The following NALCN variants were observed in gnomAD, a reference collection of about 807,000 sequenced individuals.
The protein encoded by NALCN is sodium leak channel, non-selective.
Under a neutral mutation model 225.3 loss-of-function variants are expected in NALCN, and 111 were observed. That is an observed-to-expected ratio of 0.49 (90% CI 0.42 to 0.58). The LOEUF is 0.58. Among genes scored for constraint, NALCN ranks in the 20% least tolerant of loss-of-function variants. The pLI is 0.00. For missense variants in NALCN, 1,378 were observed against 2,202.4 expected (o/e 0.63, Z 7.49); for synonymous variants, 764 against 769.0 (o/e 0.99, Z 0.11).
intron 20 of NALCN, 22 bp from the exon 21 acceptor site, chr13:101,107,811 G>T: frequency 1.3e-6 from 2 of 1,598,626 alleles, no homozygotes; most frequent in Non-Finnish European, 1.7e-6. Flanking sequence ...TTAACAGGGG[G>T]TGTGTTAAAA....
At chr13:101,063,956 A>G (rs1371369230) in intron 40 of NALCN, among the ~76,000 whole-genome samples, 1 of 152,218 alleles carries the variant, frequency 6.6e-6, no homozygotes, top group Non-Finnish European at 1.5e-5. Context: ...AATGAAATAC[A>G]CCGTATTACA....
At chr13:101,168,820 T>A (rs2038576686) in intron 15 of NALCN, among the ~76,000 whole-genome samples, 1 of 152,128 alleles carries the variant, frequency 6.6e-6, no homozygotes, top group Non-Finnish European at 1.5e-5. Flanking sequence ...CAATTTTCTC[T>A]CTTGCTCTAC....
chr13:101,241,281 G>A (rs1176147083), intron 11 of NALCN, among the ~76,000 whole-genome samples: 1 of 152,134 alleles, frequency 6.6e-6, no homozygotes, highest in Non-Finnish European at 1.5e-5. Flanking sequence ...GAAAGAATTG[G>A]TTCTTCCAGG....
intron 7 of NALCN, among the ~76,000 whole-genome samples, chr13:101,330,574 A>G (rs1037522869): frequency 2.6e-5 from 4 of 152,224 alleles, no homozygotes; most frequent in Non-Finnish European, 5.9e-5. Context: ...ATCAGAATCC[A>G]GACCTGGGCC....
At chr13:101,322,290 G>A (rs941451447) in intron 7 of NALCN, among the ~76,000 whole-genome samples, 11 of 152,146 alleles carry the variant, frequency 7.2e-5, no homozygotes, top group Non-Finnish European at 7.4e-5. Context: ...CACAAAGTAC[G>A]TCAATGTGAA....
chr13:101,375,248 G>A (rs973143106), intron 6 of NALCN, among the ~76,000 whole-genome samples: 8 of 152,072 alleles, frequency 5.3e-5, no homozygotes, highest in African/African-American at 1.9e-4. Flanking sequence ...CTATGTGCTG[G>A]TTACTTTGCT....
At chr13:101,316,220 A>G (rs986032518) in intron 7 of NALCN, among the ~76,000 whole-genome samples, 1 of 152,206 alleles carries the variant, frequency 6.6e-6, no homozygotes, top group Admixed American at 6.5e-5. Flanking sequence ...TCTCCCACAC[A>G]GCAACAGATG....
chr13:101,328,380 C>T (rs1407226501), intron 7 of NALCN, among the ~76,000 whole-genome samples: 6 of 151,982 alleles, frequency 3.9e-5, no homozygotes, highest in Non-Finnish European at 5.9e-5. Flanking sequence ...GGCGTGATCT[C>T]GGCTCATTGC....
intron 27 of NALCN, among the ~76,000 whole-genome samples, chr13:101,097,528 C>G (rs1360381908): frequency 6.6e-6 from 1 of 152,124 alleles, no homozygotes; most frequent in African/African-American, 2.4e-5. Context: ...TGGTGAAAAG[C>G]CAGGGTGCCT....
At chr13:101,415,433 A>AT (rs1460032337) in intron 1 of NALCN, among the ~76,000 whole-genome samples, 1 of 152,072 alleles carries the variant, frequency 6.6e-6, no homozygotes, top group Non-Finnish European at 1.5e-5. Context: ...CACATCCTTA[A>AT]TAATACAGTG....
chr13:101,075,492 C>T (rs1398645196), intron 35 of NALCN, among the ~76,000 whole-genome samples: 1 of 144,812 alleles, frequency 6.9e-6, no homozygotes, highest in Admixed American at 6.9e-5. Flanking sequence ...ATCATGGAAA[C>T]ATAAAAATTC....
intron 15 of NALCN, among the ~76,000 whole-genome samples, chr13:101,172,858 C>T (rs1372658853): frequency 2.0e-5 from 3 of 152,090 alleles, no homozygotes; most frequent in African/African-American, 2.4e-5. Flanking sequence ...TGAGCCACCG[C>T]GCCTGGCCAA....
intron 27 of NALCN, among the ~76,000 whole-genome samples, chr13:101,099,811 T>C (rs143603347): frequency 3.9e-5 from 6 of 152,280 alleles, no homozygotes; most frequent in East Asian, 3.9e-4. Context: ...CTCCAGCTCA[T>C]TGAAGAAGGC....
At chr13:101,149,500 C>A (rs2037530329) in intron 15 of NALCN, among the ~76,000 whole-genome samples, 1 of 152,150 alleles carries the variant, frequency 6.6e-6, no homozygotes, top group Non-Finnish European at 1.5e-5. Context: ...GAACAAGATA[C>A]CATTTTAAAT....
At chr13:101,133,471 G>A (rs1373866842) in intron 17 of NALCN, among the ~76,000 whole-genome samples, 1 of 152,178 alleles carries the variant, frequency 6.6e-6, no homozygotes, top group Non-Finnish European at 1.5e-5. Context: ...CTGCTAGAAA[G>A]TTGTAGTGTA....
intron 11 of NALCN, among the ~76,000 whole-genome samples, chr13:101,256,310 TCTC>T (rs981375507): frequency 2.6e-5 from 4 of 151,968 alleles, no homozygotes; most frequent in African/African-American, 9.7e-5. Context: ...ACTCCTCCAT[TCTC>T]CTCCCATTTC....
At chr13:101,220,649 T>C (rs1177618265) in intron 13 of NALCN, among the ~76,000 whole-genome samples, 1 of 152,198 alleles carries the variant, frequency 6.6e-6, no homozygotes, top group African/African-American at 2.4e-5. Flanking sequence ...CGAGCTGCTT[T>C]CATTATGATG....
chr13:101,327,150 C>A (rs910897947), intron 7 of NALCN, among the ~76,000 whole-genome samples: 1 of 151,910 alleles, frequency 6.6e-6, no homozygotes, highest in Admixed American at 6.6e-5. Context: ...AGAGAAGCGA[C>A]GATTCTTACT....
chr13:101,154,411 C>T (rs781653996), intron 15 of NALCN, among the ~76,000 whole-genome samples: 5 of 152,160 alleles, frequency 3.3e-5, no homozygotes, highest in African/African-American at 4.8e-5. Context: ...TATTTTCTCT[C>T]GTTTTCCTAA....
Sources: allele counts gnomAD v4.1 joint callset (sites outside exome capture counted in the v4.1 genomes callset), GRCh38; gene constraint gnomAD v4.1.1; transcripts MANE v1.5; gene names NCBI Gene and HGNC (gene_info 2026-07-23, HGNC 2026-07-21).